SLC2A9: variants seen among roughly 807,000 people sequenced by gnomAD.
SLC2A9 encodes the protein solute carrier family 2, facilitated glucose transporter member 9.
A neutral mutation model predicts 50.6 loss-of-function variants in SLC2A9; 39 were observed. That is an observed-to-expected ratio of 0.77 (90% CI 0.60 to 1.01). The LOEUF (loss-of-function observed/expected upper bound fraction) is 1.01. Ranked by LOEUF, SLC2A9 falls within the 50% of genes least tolerant of loss-of-function variation. SLC2A9 has a pLI of 0.00. For synonymous variants in SLC2A9, 324 were observed against 276.9 expected (o/e 1.17, Z -1.69); for missense variants, 686 against 677.6 (o/e 1.01, Z -0.14).
intron 10 of SLC2A9, among the ~76,000 whole-genome samples, chr4:9,842,810 TC>T (rs2109232286): frequency 6.6e-6 from 1 of 152,326 alleles, no homozygotes; most frequent in Non-Finnish European, 1.5e-5. Flanking sequence ...ATTAGAGTCT[TC>T]TTTGCTATCT....
At chr4:9,836,196 A>G (rs12647249) in intron 10 of SLC2A9, among the ~76,000 whole-genome samples, 23,358 of 151,076 alleles carry the variant, frequency 0.15, 2,427 homozygotes, top group African/African-American at 0.29. Context: ...AAATTGGGTG[A>G]ATGTATACTG....
At chr4:9,787,508 A>G (rs1205707629) in intron 3 of SLC2A9, among the ~76,000 whole-genome samples, 2 of 152,168 alleles carry the variant, frequency 1.3e-5, no homozygotes, top group African/African-American at 4.8e-5. Flanking sequence ...TGAGTCATCT[A>G]AGATGTGATG....
At chr4:9,917,156 G>C (rs1177669018) in intron 7 of SLC2A9, among the ~76,000 whole-genome samples, 2 of 151,988 alleles carry the variant, frequency 1.3e-5, no homozygotes, top group African/African-American at 2.4e-5. Flanking sequence ...TCGAAAGGAA[G>C]GCAGCTGCCT....
intron 5 of SLC2A9, among the ~76,000 whole-genome samples, chr4:9,954,464 C>T (rs1003915774): frequency 1.3e-5 from 2 of 152,276 alleles, no homozygotes; most frequent in African/African-American, 2.4e-5. Flanking sequence ...TCTGCCCTAA[C>T]TTCACGACGG....
At chr4:9,771,395 T>C in intron 1 of SLC2A9, 1 of 397,766 alleles carries the variant, frequency 2.5e-6, no homozygotes, top group Non-Finnish European at 4.4e-6. Flanking sequence ...GGGTGTAGAG[T>C]CATGCCAGTT....
At chr4:9,870,121 A>G (rs1294405845) in intron 10 of SLC2A9, among the ~76,000 whole-genome samples, 2 of 151,920 alleles carry the variant, frequency 1.3e-5, no homozygotes, top group African/African-American at 4.8e-5. Context: ...TGTGGAAGGG[A>G]CTCCCCTCAG....
At chr4:9,947,381 AG>A (rs1749378100) in intron 5 of SLC2A9, among the ~76,000 whole-genome samples, 1 of 152,178 alleles carries the variant, frequency 6.6e-6, no homozygotes, top group Non-Finnish European at 1.5e-5. Context: ...TATTTGTGAA[AG>A]GTGCACCGAG....
chr4:9,857,327 G>A (rs1176325078), intron 10 of SLC2A9, among the ~76,000 whole-genome samples: 4 of 152,160 alleles, frequency 2.6e-5, no homozygotes. Context: ...CCTGCTTGGA[G>A]GGGGCGCAGG....
downstream of SLC2A9, among the ~76,000 whole-genome samples, chr4:9,777,740 T>G (rs796601614): frequency 2.6e-5 from 4 of 152,304 alleles, no homozygotes; most frequent in African/African-American, 9.6e-5. Flanking sequence ...GAGGCTGAGA[T>G]TCTAGAGGGC....
At chr4:9,904,274 G>A (rs1039017803) in intron 8 of SLC2A9, among the ~76,000 whole-genome samples, 1 of 152,162 alleles carries the variant, frequency 6.6e-6, no homozygotes, top group East Asian at 1.9e-4. Context: ...TGTCTGCAGG[G>A]CTGGTTCCTT....
At chr4:9,797,975 G>A (rs578116974), downstream of SLC2A9, among the ~76,000 whole-genome samples, 7 of 152,328 alleles carry the variant, frequency 4.6e-5, no homozygotes, top group African/African-American at 1.7e-4. Context: ...ATTCAGCAGG[G>A]GCTAGATGAA....
intron 10 of SLC2A9, chr4:9,879,368 G>C: frequency 1.0e-6 from 1 of 980,036 alleles, no homozygotes; most frequent in South Asian, 4.7e-5. Context: ...GTGTGTGTGT[G>C]TATTTATGTG....
chr4:10,015,314 G>A (rs1762440795), intron 2 of SLC2A9, among the ~76,000 whole-genome samples: 2 of 152,240 alleles, frequency 1.3e-5, no homozygotes, highest in South Asian at 4.1e-4. Flanking sequence ...GGGCAGGAAG[G>A]AGGGGCAGAG....
At chr4:9,940,763 T>C (rs1242119579) in intron 6 of SLC2A9, among the ~76,000 whole-genome samples, 1 of 152,188 alleles carries the variant, frequency 6.6e-6, no homozygotes, top group Non-Finnish European at 1.5e-5. Flanking sequence ...ATATAGGTAA[T>C]TGTTAATATT....
upstream of SLC2A9, among the ~76,000 whole-genome samples, chr4:10,024,264 G>A (rs538851185): frequency 3.1e-4 from 47 of 152,172 alleles, no homozygotes; most frequent in Non-Finnish European, 5.7e-4. Context: ...GATGGTGTGC[G>A]TCTCAATGGG....
chr4:9,908,297 C>T lies in SLC2A9; in HGVS notation c.1051G>A (p.Ala351Thr). Reference sequence around the variant, plus strand: ...CTCAAGGTGACGTATGGGATCTTTGCCGGAGGGATCCCAGCTTTTCCAAAG... The same window carrying T: ...CTCAAGGTGACGTATGGGATCTTTGTCGGAGGGATCCCAGCTTTTCCAAAG... Reference protein sequence around the residue: ...SIFGKAGIPPAKIPYVTLSTG... With the variant: ...SIFGKAGIPPTKIPYVTLSTG... Residue 351 changes from alanine (A) to threonine (T), a missense_variant, in exon 8 of 12, where the codon GCA becomes ACA. Physicochemically the swap from Ala to Thr is moderately conservative, Grantham distance 58. Coordinates refer to ENST00000264784, the MANE Select transcript of SLC2A9 (RefSeq NM_020041.3). 1 of 1,613,944 alleles carries T rather than the reference C, an allele frequency of 6.2e-7. No homozygotes were observed. Among genetic ancestry groups the T allele is most frequent in the South Asian group, 1.1e-5 (1 of 91,072 alleles).
At chr4:10,022,318 C>T (rs1395616749), upstream of SLC2A9, among the ~76,000 whole-genome samples, 1 of 152,240 alleles carries the variant, frequency 6.6e-6, no homozygotes, top group Admixed American at 6.5e-5. Flanking sequence ...GTGGGCTCTC[C>T]TGTAGCCTAG....
Position 9,890,696 on chromosome 4 carries a change from G to C in SLC2A9, c.1129C>G (p.His377Asp). The C allele has an allele frequency of 6.2e-7, 1 of 1,614,052 alleles. No individual in the cohort carries two copies. Among genetic ancestry groups the C allele is most frequent in the Non-Finnish European group, 8.5e-7 (1 of 1,179,976 alleles). ...AAVFSGLVIEHLGRRPLLIGG... is the reference protein window; with the variant it reads ...AAVFSGLVIEDLGRRPLLIGG... ...ATGAGGAGGGGTCTCCGTCCCAGGT[G>C]CTCAATGACCAAACCCTAGTCCAGG... The change falls in exon 9 of 12, where the codon CAC becomes GAC. Residue 377 changes from histidine to aspartate, a missense_variant. Physicochemically the swap from His to Asp is moderately conservative, Grantham distance 81. Transcript: ENST00000264784.
intron 5 of SLC2A9, among the ~76,000 whole-genome samples, chr4:9,944,922 C>T (rs1477683696): frequency 6.6e-6 from 1 of 152,118 alleles, no homozygotes; most frequent in Non-Finnish European, 1.5e-5. Flanking sequence ...GTGGCCCACC[C>T]AAATAATAAA....
Sources: gnomAD v4.1 joint callset for allele counts (sites outside exome capture counted in the v4.1 genomes callset) on GRCh38, gnomAD v4.1.1 for gene constraint, MANE v1.5 for transcripts, NCBI Gene and HGNC (gene_info 2026-07-23, HGNC 2026-07-21) for gene names.